SKI: variants seen among roughly 807,000 people sequenced by gnomAD.
SKI encodes SKI proto-oncogene.
In SKI, 23 loss-of-function variants were observed where a neutral mutation model predicts 59.3. The observed-to-expected ratio is 0.39, with a 90% confidence interval of 0.28 to 0.55. The LOEUF (loss-of-function observed/expected upper bound fraction) is 0.55. Ranked by LOEUF, SKI falls within the 20% of genes least tolerant of loss-of-function variation. SKI has a pLI of 0.67. For synonymous variants in SKI, 673 were observed against 488.6 expected (o/e 1.38, Z -4.98); for missense variants, 1,017 against 1,038.9 (o/e 0.98, Z 0.29).
intron 1 of SKI, among the ~76,000 whole-genome samples, chr1:2,237,455 G>T (rs543516396): frequency 3.3e-5 from 5 of 152,208 alleles, no homozygotes; most frequent in Non-Finnish European, 7.3e-5. Context: ...CGCTAATTAC[G>T]TTGTGTTGTT....
chr1:2,301,082 T>C (rs1048916572), intron 1 of SKI, among the ~76,000 whole-genome samples: 2 of 152,156 alleles, frequency 1.3e-5, no homozygotes, highest in Admixed American at 1.3e-4. Flanking sequence ...CTGAGCCGAA[T>C]TTCCGCGCCC....
chr1:2,252,504 G>A (rs1293105221), intron 1 of SKI, among the ~76,000 whole-genome samples: 3 of 152,196 alleles, frequency 2.0e-5, no homozygotes, highest in Non-Finnish European at 2.9e-5. Context: ...GCTTTCGTCC[G>A]TCTGAGCTGC....
intron 1 of SKI, among the ~76,000 whole-genome samples, chr1:2,289,688 C>G (rs1018210437): frequency 2.0e-5 from 3 of 152,042 alleles, no homozygotes; most frequent in African/African-American, 7.2e-5. Context: ...TCCCCCGAGC[C>G]CACCGTGTGC....
rs1448930099 is a variant in SKI, at chr1:2,228,457, C to T, written c.-310C>T. Among the ~76,000 whole-genome samples the T allele has an allele frequency of 7.0e-6, 1 of 142,230 alleles. No individual in the cohort carries two copies. Among genetic ancestry groups the T allele is most frequent in the African/African-American group, 2.5e-5 (1 of 39,644 alleles). 93.3% of individuals were successfully genotyped at this position (142,230 alleles called of 152,430 possible). A position where few individuals can be genotyped will look rare whatever the true frequency, so the allele number is the denominator to read the frequency against. On this transcript the variant is annotated 5_prime_UTR_variant, in exon 1 of 7. Transcript: ENST00000378536. ...TGGCGGCGCGCGCCGGGGCATGCCCCGCGCCTAGAGCCCGGGGGGCGCGCG... is the reference window on the plus strand; with the variant it reads ...TGGCGGCGCGCGCCGGGGCATGCCCTGCGCCTAGAGCCCGGGGGGCGCGCG...
rs1006748355 is a variant in SKI, at chr1:2,253,713, C to T, written c.969+23978C>T. On this transcript the variant is annotated intron_variant, in intron 1 of 6. Coordinates refer to ENST00000378536, the MANE Select transcript of SKI (RefSeq NM_003036.4). ...ATGGAGGATGGAGCTGGTGCTGCTG[C>T]CCACAGGGGCCCTGGGAGTGAGGCT... Among the ~76,000 whole-genome samples the T allele has an allele frequency of 5.9e-5, 9 of 152,330 alleles. No homozygotes were observed. The South Asian group carries it at 1.0e-3, about 18-fold the overall frequency.
At chr1:2,239,865 G>T (rs993049585) in intron 1 of SKI, among the ~76,000 whole-genome samples, 1 of 152,232 alleles carries the variant, frequency 6.6e-6, no homozygotes, top group African/African-American at 2.4e-5. Context: ...CTTCCACTGG[G>T]TTTAGGTGTG....
chr1:2,231,302 C>T (rs1245651908), intron 1 of SKI, among the ~76,000 whole-genome samples: 2 of 152,082 alleles, frequency 1.3e-5, no homozygotes, highest in African/African-American at 4.8e-5. Context: ...GACACGCTCA[C>T]GTCACTGTCT....
At chr1:2,241,131 C>T (rs971245218) in intron 1 of SKI, among the ~76,000 whole-genome samples, 6 of 152,242 alleles carry the variant, frequency 3.9e-5, no homozygotes, top group Non-Finnish European at 5.9e-5. Context: ...CATCACTTCA[C>T]TCCAGGGCAC....
intron 1 of SKI, among the ~76,000 whole-genome samples, chr1:2,271,287 C>A (rs926974772): frequency 1.3e-5 from 2 of 152,140 alleles, no homozygotes; most frequent in African/African-American, 2.4e-5. Flanking sequence ...CTGTCCTCCC[C>A]TCAGAAGAGT....
intron 1 of SKI, among the ~76,000 whole-genome samples, chr1:2,273,922 T>C (rs993704137): frequency 6.6e-6 from 1 of 152,074 alleles, no homozygotes; most frequent in Non-Finnish European, 1.5e-5. Flanking sequence ...CTCACTGCCC[T>C]GGCTGGAAGG....
intron 1 of SKI, among the ~76,000 whole-genome samples, chr1:2,272,776 C>T (rs949580533): frequency 6.6e-6 from 1 of 152,192 alleles, no homozygotes; most frequent in Non-Finnish European, 1.5e-5. Flanking sequence ...TCCCCTGCCC[C>T]GGCCTATGTG....
At position 2,306,662 on chromosome 1, in the gene SKI, G is replaced by A. The variant is rs1038419071; in HGVS notation, c.2084G>A (p.Arg695Gln). Residue 695 changes from arginine to glutamine, a missense_variant, in exon 7 of 7, where the codon CGG (arginine) becomes CAG (glutamine). Coordinates refer to ENST00000378536, the MANE Select transcript of SKI (RefSeq NM_003036.4). ...RADLLREREA[R>Q]EHLEKVVKEL... ...GACCTGCTGCGGGAGCGCGAGGCCC[G>A]GGAGCACCTGGAGAAGGTGGTGAAG... is the stretch of plus-strand genomic sequence containing the variant. 40 of 1,545,124 alleles carry A rather than the reference G, an allele frequency of 2.6e-5. No homozygotes were observed. The highest frequency in any genetic ancestry group is 3.5e-5 in the Non-Finnish European group (40 of 1,145,334).
chr1:2,239,600 C>T lies in SKI; in HGVS notation c.969+9865C>T, dbSNP rs142438953. 5.1e-3 allele frequency among the ~76,000 whole-genome samples: 772 copies of T among 152,346 alleles called. 12 individuals are homozygous for T. Among genetic ancestry groups the T allele is most frequent in the South Asian group, 0.037 (179 of 4,826 alleles). ...CTGGATGGCCCGCGTGCCGGGGACC[C>T]GCAAGGTGTGCAGTGGCAAGGGCCG... On this transcript the variant is annotated intron_variant, in intron 1 of 6. Transcript: ENST00000378536.
chr1:2,230,976 T>A (rs1024070570), intron 1 of SKI, among the ~76,000 whole-genome samples: 2 of 151,818 alleles, frequency 1.3e-5, no homozygotes, highest in Non-Finnish European at 2.9e-5. Flanking sequence ...TGTGTGTGCA[T>A]GTGTGTGTTT....
chr1:2,296,232 A>C (rs1481356394), intron 1 of SKI, among the ~76,000 whole-genome samples: 2 of 152,026 alleles, frequency 1.3e-5, no homozygotes, highest in African/African-American at 2.4e-5. Flanking sequence ...AAACAAAAAA[A>C]AAAAAACAAA....
At chr1:2,256,806 C>A (rs1639284251) in intron 1 of SKI, among the ~76,000 whole-genome samples, 1 of 152,258 alleles carries the variant, frequency 6.6e-6, no homozygotes, top group African/African-American at 2.4e-5. Flanking sequence ...CCTCTTAGAT[C>A]TGGCATTCAA....
rs1640683404 is a variant in SKI, at chr1:2,309,278, C to T, written c.*2513C>T. 6.6e-6 allele frequency: 1 copy of T among 152,146 alleles called. No individual in the cohort carries two copies. Among genetic ancestry groups the T allele is most frequent in the Admixed American group, 6.5e-5 (1 of 15,270 alleles). The allele number at this position is 152,146 out of a possible 1,614,324, so 9.4% of individuals were successfully genotyped here. A position where few individuals can be genotyped will look rare whatever the true frequency, so the allele number is the denominator to read the frequency against. On this transcript the variant is annotated 3_prime_UTR_variant, in exon 7 of 7. Transcript: ENST00000378536. Reference sequence around the variant, plus strand: ...TGCTGACTCCTCTGTGTGTGAGGCCCTTCATCTAAGTGATTGTGTATTCAG... The same window carrying T: ...TGCTGACTCCTCTGTGTGTGAGGCCTTTCATCTAAGTGATTGTGTATTCAG...
intron 1 of SKI, among the ~76,000 whole-genome samples, chr1:2,291,568 G>T (rs1004342125): frequency 6.6e-6 from 1 of 152,204 alleles, no homozygotes; most frequent in Non-Finnish European, 1.5e-5. Context: ...AGCCCTCCCC[G>T]GGACAGCAGC....
intron 1 of SKI, among the ~76,000 whole-genome samples, chr1:2,274,780 C>T (rs1045554667): frequency 6.6e-6 from 1 of 152,206 alleles, no homozygotes; most frequent in Non-Finnish European, 1.5e-5. Context: ...GGGGCAGGGA[C>T]CCCACTTTCT....
Sources: gnomAD v4.1 joint callset for allele counts (sites outside exome capture counted in the v4.1 genomes callset) on GRCh38, gnomAD v4.1.1 for gene constraint, MANE v1.5 for transcripts, NCBI Gene and HGNC (gene_info 2026-07-23, HGNC 2026-07-21) for gene names.